ADAMTS17: variants seen among roughly 807,000 people sequenced by gnomAD.
The protein encoded by ADAMTS17 is A disintegrin and metalloproteinase with thrombospondin motifs 17.
In ADAMTS17, 113 loss-of-function variants were observed where a neutral mutation model predicts 141.5. That is an observed-to-expected ratio of 0.80 (90% confidence interval 0.69 to 0.93). The LOEUF is 0.93. Ranked by LOEUF, ADAMTS17 falls within the 40% of genes least tolerant of loss-of-function variation. The pLI is 0.00. For synonymous variants in ADAMTS17, 768 were observed against 630.6 expected (o/e 1.22, Z -3.27); for missense variants, 1,659 against 1,517.9 (o/e 1.09, Z -1.54).
At chr15:100,126,831 G>A (rs2037759443) in intron 12 of ADAMTS17, among the ~76,000 whole-genome samples, 1 of 152,202 alleles carries the variant, frequency 6.6e-6, no homozygotes, top group Non-Finnish European at 1.5e-5. Flanking sequence ...GGTGTGGCCT[G>A]TCCCGGGCCT....
rs552536101 is a variant in ADAMTS17 at position 100,272,116 on chromosome 15, G to C, written c.789+9113C>G. Reference sequence around the variant, plus strand: ...AAGTGTTTTGATTATTACAGCTTTTGAGTAAATTTTGAAATGAGGAAGTGT... The same window carrying C: ...AAGTGTTTTGATTATTACAGCTTTTCAGTAAATTTTGAAATGAGGAAGTGT... On this transcript the variant is annotated intron_variant, in intron 4 of 21. Transcript: ENST00000268070. 4.6e-5 allele frequency among the ~76,000 whole-genome samples: 7 copies of C among 152,246 alleles called. No individual in the cohort carries two copies. In the East Asian group the frequency reaches 1.3e-3, roughly 29 times the overall value.
intron 2 of ADAMTS17, among the ~76,000 whole-genome samples, chr15:100,334,379 T>C (rs1358462554): frequency 6.6e-6 from 1 of 151,948 alleles, no homozygotes; most frequent in Non-Finnish European, 1.5e-5. Flanking sequence ...TCTTCAGGAG[T>C]CTGCAGCTCC....
At chr15:100,217,210 C>T (rs779857580) in intron 7 of ADAMTS17, among the ~76,000 whole-genome samples, 1 of 152,160 alleles carries the variant, frequency 6.6e-6, no homozygotes, top group Non-Finnish European at 1.5e-5. Context: ...ACAGTCTTTT[C>T]AATTAGTGGT....
At chr15:100,317,220 C>G (rs769447771) in intron 3 of ADAMTS17, among the ~76,000 whole-genome samples, 1 of 152,138 alleles carries the variant, frequency 6.6e-6, no homozygotes, top group Non-Finnish European at 1.5e-5. Flanking sequence ...TAGTTCATAT[C>G]AACCAAACGG....
chr15:100,171,839 T>C (rs2040171860), intron 8 of ADAMTS17, among the ~76,000 whole-genome samples: 1 of 152,226 alleles, frequency 6.6e-6, no homozygotes. Flanking sequence ...ACAGCTTCTC[T>C]GCTGCTAAGA....
At chr15:99,980,119 G>A (rs1017725072) in intron 20 of ADAMTS17, 18 of 152,214 alleles carry the variant, frequency 1.2e-4, no homozygotes, top group African/African-American at 4.1e-4. Context: ...CCAGAAGTTC[G>A]AGACCAGCCT....
intron 18 of ADAMTS17, among the ~76,000 whole-genome samples, chr15:100,007,197 C>T (rs761937266): frequency 6.6e-5 from 10 of 152,302 alleles, no homozygotes; most frequent in Non-Finnish European, 1.0e-4. Context: ...ACCAAATAAG[C>T]GGGGCTCAGC....
At chr15:100,152,026 G>C (rs572238308) in intron 10 of ADAMTS17, among the ~76,000 whole-genome samples, 1 of 152,278 alleles carries the variant, frequency 6.6e-6, no homozygotes, top group Admixed American at 6.5e-5. Flanking sequence ...ACAGGATCTC[G>C]GGAGCCATGG....
At chr15:99,994,490 A>T (rs2141334956) in intron 19 of ADAMTS17, among the ~76,000 whole-genome samples, 1 of 152,260 alleles carries the variant, frequency 6.6e-6, no homozygotes, top group South Asian at 2.1e-4. Context: ...CCACTGGAAA[A>T]AAGGTACATA....
intron 4 of ADAMTS17, among the ~76,000 whole-genome samples, chr15:100,267,712 C>T (rs1044962597): frequency 3.3e-5 from 5 of 152,122 alleles, no homozygotes; most frequent in African/African-American, 1.2e-4. Context: ...GCAGTGTCTG[C>T]TGCCACCTTT....
chr15:100,014,765 C>T (rs560934554), intron 18 of ADAMTS17, among the ~76,000 whole-genome samples: 4 of 152,166 alleles, frequency 2.6e-5, no homozygotes, highest in South Asian at 4.2e-4. Flanking sequence ...TATTGAGGCT[C>T]ATTTTATGGC....
At chr15:100,315,747 C>T (rs1177309055) in intron 3 of ADAMTS17, among the ~76,000 whole-genome samples, 1 of 151,072 alleles carries the variant, frequency 6.6e-6, no homozygotes, top group Non-Finnish European at 1.5e-5. Flanking sequence ...CACACTCACA[C>T]ACAGTCACTG....
intron 8 of ADAMTS17, among the ~76,000 whole-genome samples, chr15:100,162,390 C>T (rs1419001878): frequency 6.9e-6 from 1 of 145,938 alleles, no homozygotes; most frequent in Non-Finnish European, 1.5e-5. Context: ...ATATATATAA[C>T]TATCTATATG....
rs181025781 is a variant in ADAMTS17, at chr15:100,324,150, C to T, written c.616+6739G>A. ...CGAAACCCCATCTCTACTAAAAGTA[C>T]AGAAATCAGTCGGGCGTGCTGGTGG... On this transcript the variant is annotated intron_variant, in intron 3 of 21. Transcript: ENST00000268070. 1.1e-3 allele frequency among the ~76,000 whole-genome samples: 165 copies of T among 152,054 alleles called. 1 individual carries two copies. The highest frequency in any genetic ancestry group is 3.8e-3 in the African/African-American group (157 of 41,472).
chr15:100,282,140 C>T (rs555200862), intron 3 of ADAMTS17, among the ~76,000 whole-genome samples: 15 of 152,334 alleles, frequency 9.8e-5, no homozygotes, highest in African/African-American at 3.6e-4. Flanking sequence ...AGTCTTTGTA[C>T]ATGGAAACAT....
At chr15:100,103,204 G>A (rs538900288) in intron 14 of ADAMTS17, among the ~76,000 whole-genome samples, 24 of 152,270 alleles carry the variant, frequency 1.6e-4, no homozygotes, top group African/African-American at 5.3e-4. Flanking sequence ...TGACCTTCAC[G>A]TTTCAGGCAC....
intron 8 of ADAMTS17, among the ~76,000 whole-genome samples, chr15:100,162,082 A>G (rs1360158305): frequency 1.3e-5 from 2 of 152,196 alleles, no homozygotes; most frequent in Non-Finnish European, 2.9e-5. Context: ...AATGACCAAT[A>G]TAGTGTTGGT....
chr15:100,193,630 G>C (rs2041002465), intron 8 of ADAMTS17, among the ~76,000 whole-genome samples: 1 of 152,196 alleles, frequency 6.6e-6, no homozygotes, highest in Admixed American at 6.5e-5. Context: ...GAGCGCATCG[G>C]TCAACAGTGG....
chr15:100,263,204 C>T (rs537535269), intron 4 of ADAMTS17, among the ~76,000 whole-genome samples: 370 of 152,282 alleles, frequency 2.4e-3, no homozygotes, highest in African/African-American at 8.6e-3. Flanking sequence ...TGCTGCTGAA[C>T]GCCAGCCTGT....
Sources: gnomAD v4.1 joint callset for allele counts (sites outside exome capture counted in the v4.1 genomes callset) on GRCh38, gnomAD v4.1.1 for gene constraint, MANE v1.5 for transcripts, NCBI Gene and HGNC (gene_info 2026-07-23, HGNC 2026-07-21) for gene names.